ADAMTS14: variants seen among roughly 807,000 people sequenced by gnomAD.
ADAMTS14 encodes the protein ADAM metallopeptidase with thrombospondin type 1 motif 14, also known as A disintegrin and metalloproteinase with thrombospondin motifs 14.
Under a neutral mutation model 128.6 loss-of-function variants are expected in ADAMTS14, and 100 were observed. That is an observed-to-expected ratio of 0.78 (90% CI 0.66 to 0.92). The LOEUF is 0.92. Among genes scored for constraint, ADAMTS14 ranks in the 40% least tolerant of loss-of-function variants. ADAMTS14 has a pLI of 0.00. For synonymous variants in ADAMTS14, 665 were observed against 653.8 expected (o/e 1.02, Z -0.26); for missense variants, 1,562 against 1,658.6 (o/e 0.94, Z 1.01).
In ADAMTS14 at chr10:70,744,163, C is replaced by G. The variant is rs369192944; in HGVS notation, c.2156C>G (p.Thr719Arg). 9.7e-6 allele frequency: 15 copies of G among 1,542,350 alleles called. No homozygotes were observed. In the East Asian group the frequency reaches 3.4e-4, roughly 35 times the overall value. ...TCCCACTGCAGGACTGTGAAGGGGA[C>G]GCTGGGCAAGGCCTCCAAGCAGGCA... is the stretch of plus-strand genomic sequence containing the variant. ...DNSHCRTVKG[T>R]LGKASKQAGA... is the part of the protein sequence containing the mutation. The change falls in exon 14 of 22, where the codon ACG (threonine) becomes AGG (arginine). Residue 719 changes from threonine to arginine, a missense_variant. Transcript: ENST00000373207.
Position 70,744,049 on chromosome 10 carries a change from C to T in ADAMTS14, c.2059-17C>T. ...GGCAGGGGAGCCTCCTCCCACTGACCTCACCTCTGGCCTCAGCCTGTCGGC... is the reference window on the plus strand; with the variant it reads ...GGCAGGGGAGCCTCCTCCCACTGACTTCACCTCTGGCCTCAGCCTGTCGGC... On this transcript the variant is annotated splice_polypyrimidine_tract_variant and intron_variant, in intron 13 of 21. Transcript: ENST00000373207. The T allele has an allele frequency of 6.4e-7, 1 of 1,555,834 alleles. No homozygotes were observed.
intron 3 of ADAMTS14, among the ~76,000 whole-genome samples, chr10:70,707,107 G>A (rs957125387): frequency 6.6e-6 from 1 of 152,224 alleles, no homozygotes; most frequent in African/African-American, 2.4e-5. Flanking sequence ...CCAGTGGGGT[G>A]CCTTCTCTGA....
chr10:70,745,559 A>G (rs2791183), intron 15 of ADAMTS14: 297,659 of 506,112 alleles, frequency 0.59, 89,825 homozygotes, highest in East Asian at 0.85. Flanking sequence ...CCCTGGGGGC[A>G]GTTTTCTTCC....
At chr10:70,714,946 CA>C (rs58012076) in intron 4 of ADAMTS14, among the ~76,000 whole-genome samples, 24,127 of 62,394 alleles carry the variant, frequency 0.39, 3,082 homozygotes, top group East Asian at 0.65. Context: ...ACTGCAGTCT[CA>C]AAAAAAAAAA....
chr10:70,681,434 T>C (rs530104254), intron 2 of ADAMTS14, among the ~76,000 whole-genome samples: 1 of 152,150 alleles, frequency 6.6e-6, no homozygotes, highest in South Asian at 2.1e-4. Context: ...GGGAGAATGG[T>C]GAAAATGTAA....
chr10:70,755,734 A>AG (rs1842466166), intron 19 of ADAMTS14, among the ~76,000 whole-genome samples: 1 of 152,204 alleles, frequency 6.6e-6, no homozygotes, highest in African/African-American at 2.4e-5. Context: ...CTGTAATCTC[A>AG]GCTACTCGGG....
chr10:70,722,735 A>T (rs1841310510), intron 4 of ADAMTS14, among the ~76,000 whole-genome samples: 1 of 152,258 alleles, frequency 6.6e-6, no homozygotes, highest in Non-Finnish European at 1.5e-5. Flanking sequence ...CAAAGCTGTG[A>T]CAATTTGAGC....
At chr10:70,711,546 G>C (rs1318092148) in intron 4 of ADAMTS14, among the ~76,000 whole-genome samples, 1 of 152,184 alleles carries the variant, frequency 6.6e-6, no homozygotes, top group Non-Finnish European at 1.5e-5. Flanking sequence ...GTCTGCTCTT[G>C]GGTTTGTGAA....
At chr10:70,745,530 T>TC (rs1842152259) in intron 15 of ADAMTS14, 1 of 577,768 alleles carries the variant, frequency 1.7e-6, no homozygotes, top group Admixed American at 2.8e-5. Context: ...TAGTAAAGAG[T>TC]CCCCTTTCTA....
intron 1 of ADAMTS14, among the ~76,000 whole-genome samples, chr10:70,673,883 C>T (rs1839558993): frequency 6.6e-6 from 1 of 152,188 alleles, no homozygotes; most frequent in Non-Finnish European, 1.5e-5. Context: ...TTAATTCAGC[C>T]CAAGTGGGCA....
At chr10:70,758,316 C>T (rs1231752409) in intron 21 of ADAMTS14, 31 bp downstream of exon 21, 4 of 1,586,372 alleles carry the variant, frequency 2.5e-6, no homozygotes, top group African/African-American at 1.3e-5. Context: ...CTACCCTGCT[C>T]CCCAGACCTT....
At position 70,672,744 on chromosome 10, in the gene ADAMTS14, C is replaced by T; in HGVS notation, c.-59C>T. ...CCCGGGGCGCACCCTAGCCTCGCCGCCCTCAGCCTGGGACTTGGGGATCGG... is the reference window on the plus strand; with the variant it reads ...CCCGGGGCGCACCCTAGCCTCGCCGTCCTCAGCCTGGGACTTGGGGATCGG... On this transcript the variant is annotated 5_prime_UTR_variant, in exon 1 of 22. Coordinates refer to ENST00000373207, the MANE Select transcript of ADAMTS14 (RefSeq NM_080722.4). The T allele has an allele frequency of 6.9e-7, 1 of 1,458,514 alleles. No homozygotes were observed. The highest frequency in any genetic ancestry group is 9.0e-7 in the Non-Finnish European group (1 of 1,110,644). The allele number at this position is 1,458,514 out of a possible 1,614,324, so 90.3% of individuals were successfully genotyped here.
At chr10:70,692,115 A>T (rs1840209496) in intron 2 of ADAMTS14, among the ~76,000 whole-genome samples, 3 of 149,764 alleles carry the variant, frequency 2.0e-5, no homozygotes, top group South Asian at 4.3e-4. Flanking sequence ...TTTTGATTTC[A>T]TCGGTCTGGG....
At chr10:70,713,418 T>G (rs1488676285) in intron 4 of ADAMTS14, among the ~76,000 whole-genome samples, 1 of 152,172 alleles carries the variant, frequency 6.6e-6, no homozygotes, top group Non-Finnish European at 1.5e-5. Flanking sequence ...AGGGGTGTAT[T>G]GGCAGGGAGC....
chr10:70,735,046 G>A (rs1426919665), intron 8 of ADAMTS14, 123 bp from the exon 9 acceptor site: 3 of 1,295,912 alleles, frequency 2.3e-6, no homozygotes, highest in Non-Finnish European at 3.1e-6. Flanking sequence ...AGACAGCGCT[G>A]GGAACAGAAT....
At position 70,694,486 on chromosome 10, in the gene ADAMTS14, C is replaced by T. The variant is rs1840276789; in HGVS notation, c.523-7826C>T. On this transcript the variant is annotated intron_variant, in intron 2 of 21. Coordinates refer to ENST00000373207, the MANE Select transcript of ADAMTS14 (RefSeq NM_080722.4). Reference sequence around the variant, plus strand: ...GCTGTCAACTGTAGACCATTTTCATCACCTAAAAAAGAGACTATGTGGCCT... The same window carrying T: ...GCTGTCAACTGTAGACCATTTTCATTACCTAAAAAAGAGACTATGTGGCCT... Among the ~76,000 whole-genome samples, 3 of 152,288 alleles carry T rather than the reference C, an allele frequency of 2.0e-5. No homozygotes were observed. The South Asian group carries it at 6.2e-4, about 32-fold the overall frequency.
intron 19 of ADAMTS14, among the ~76,000 whole-genome samples, chr10:70,754,870 T>G (rs1303909781): frequency 2.6e-5 from 4 of 152,260 alleles, no homozygotes; most frequent in Middle Eastern, 3.4e-3. Context: ...CTTAGTTATT[T>G]GGGTGCTCTG....
At chr10:70,725,330 C>G (rs1415003007) in intron 4 of ADAMTS14, among the ~76,000 whole-genome samples, 1 of 152,194 alleles carries the variant, frequency 6.6e-6, no homozygotes, top group Non-Finnish European at 1.5e-5. Flanking sequence ...AAACTCCCCA[C>G]TATTCAGTGC....
At chr10:70,682,779 C>T (rs34566267) in intron 2 of ADAMTS14, among the ~76,000 whole-genome samples, 40,897 of 151,812 alleles carry the variant, frequency 0.27, 5,756 homozygotes, top group Middle Eastern at 0.36. Flanking sequence ...ACACAGAGCC[C>T]GTGTTGGCCT....
Sources: gnomAD v4.1 joint callset for allele counts (sites outside exome capture counted in the v4.1 genomes callset) on GRCh38, gnomAD v4.1.1 for gene constraint, MANE v1.5 for transcripts, NCBI Gene and HGNC (gene_info 2026-07-23, HGNC 2026-07-21) for gene names.